The following PRKN variants were observed in gnomAD, a reference collection of about 807,000 sequenced individuals.
PRKN encodes E3 ubiquitin-protein ligase parkin.
Under a neutral mutation model 59.5 loss-of-function variants are expected in PRKN, and 56 were observed. That is an observed-to-expected ratio of 0.94 (90% CI 0.76 to 1.18). The LOEUF is 1.18. Among genes scored for constraint, PRKN ranks in the 50% most tolerant of loss-of-function variants. The pLI is 0.00. For missense variants in PRKN, 657 were observed against 596.4 expected (o/e 1.10, Z -1.06); for synonymous variants, 250 against 222.1 (o/e 1.13, Z -1.12).
Position 162,615,767 on chromosome 6 carries a change from T to C in PRKN, c.7+111895A>G, listed in dbSNP as rs537550966. Among the ~76,000 whole-genome samples the C allele has an allele frequency of 7.4e-4, 113 of 152,282 alleles. 4 individuals are homozygous for C. In the South Asian group the frequency reaches 0.022, roughly 30 times the overall value. ...AATACAGTGTAAAATCAGGACAGGA[T>C]AGAAGAGAGGGACGAAGAACGACTT... is the stretch of plus-strand genomic sequence containing the variant. On this transcript the variant is annotated intron_variant, in intron 1 of 11. Coordinates refer to ENST00000366898, the MANE Select transcript of PRKN (RefSeq NM_004562.3).
chr6:162,069,881 A>G (rs965958270), intron 4 of PRKN, among the ~76,000 whole-genome samples: 28 of 152,224 alleles, frequency 1.8e-4, no homozygotes, highest in African/African-American at 6.8e-4. Context: ...CCTCATTTGA[A>G]AAAACTTTAT....
chr6:162,383,851 C>A (rs1322627615), intron 2 of PRKN, among the ~76,000 whole-genome samples: 2 of 152,242 alleles, frequency 1.3e-5, no homozygotes, highest in African/African-American at 4.8e-5. Flanking sequence ...GCAGCTTCTA[C>A]ATCAGCACTT....
At chr6:162,707,656 C>T (rs867587515) in intron 1 of PRKN, among the ~76,000 whole-genome samples, 32 of 152,046 alleles carry the variant, frequency 2.1e-4, no homozygotes, top group Middle Eastern at 3.4e-3. Context: ...TTCACTGCAA[C>T]CTCCAACTCC....
chr6:161,839,010 C>T (rs1009686620), intron 6 of PRKN, among the ~76,000 whole-genome samples: 7 of 151,750 alleles, frequency 4.6e-5, no homozygotes, highest in Non-Finnish European at 7.4e-5. Flanking sequence ...AGGGACTGGG[C>T]GAGGTGGGGG....
At chr6:161,942,079 C>T (rs2128243318) in intron 6 of PRKN, among the ~76,000 whole-genome samples, 1 of 152,176 alleles carries the variant, frequency 6.6e-6, no homozygotes, top group Non-Finnish European at 1.5e-5. Context: ...TACAGACAAC[C>T]TGAAATATGG....
At chr6:161,821,002 A>G (rs1414680621) in intron 6 of PRKN, among the ~76,000 whole-genome samples, 1 of 152,022 alleles carries the variant, frequency 6.6e-6, no homozygotes, top group Non-Finnish European at 1.5e-5. Flanking sequence ...TAATTCACAG[A>G]CACAGATATA....
rs142689297 is a variant in PRKN, at chr6:161,411,864, C to T, written c.1084-24987G>A. Reference sequence around the variant, plus strand: ...ATTCCTCCCTCATTCCTTCCTCACCCATTCCTTCTTCATTCATTCCTTCCT... The same window carrying T: ...ATTCCTCCCTCATTCCTTCCTCACCTATTCCTTCTTCATTCATTCCTTCCT... On this transcript the variant is annotated intron_variant, in intron 9 of 11. Transcript: ENST00000366898. Among the ~76,000 whole-genome samples the T allele has an allele frequency of 4.6e-3, 674 of 147,552 alleles. 5 individuals are homozygous for T. The highest frequency in any genetic ancestry group is 0.016 in the African/African-American group (641 of 39,774).
At chr6:162,612,188 A>G (rs1176876744) in intron 1 of PRKN, among the ~76,000 whole-genome samples, 55 of 43,892 alleles carry the variant, frequency 1.3e-3, no homozygotes, top group Middle Eastern at 0.015. Flanking sequence ...GTGAGACTCC[A>G]TCTCAAAAAA....
chr6:162,169,461 A>C (rs1783153171), intron 4 of PRKN, among the ~76,000 whole-genome samples: 1 of 147,854 alleles, frequency 6.8e-6, no homozygotes, highest in Admixed American at 6.8e-5. Flanking sequence ...GGCACATATT[A>C]ATTTTCTTAA....
At chr6:162,360,067 T>C (rs190937476) in intron 2 of PRKN, among the ~76,000 whole-genome samples, 1 of 152,208 alleles carries the variant, frequency 6.6e-6, no homozygotes, top group East Asian at 1.9e-4. Flanking sequence ...AAAATATAAT[T>C]TATATATACA....
chr6:162,676,440 C>G (rs1779546665), intron 1 of PRKN, among the ~76,000 whole-genome samples: 1 of 152,034 alleles, frequency 6.6e-6, no homozygotes, highest in South Asian at 2.1e-4. Context: ...GTTGTCAGTT[C>G]AGAGAAATGG....
chr6:162,078,701 T>C (rs1169510651), intron 4 of PRKN, among the ~76,000 whole-genome samples: 5 of 152,016 alleles, frequency 3.3e-5, no homozygotes, highest in Admixed American at 3.3e-4. Flanking sequence ...TGGGTATTTA[T>C]CAAGAAAACT....
intron 2 of PRKN, among the ~76,000 whole-genome samples, chr6:162,360,056 CAA>C (rs769067008): frequency 1.3e-5 from 2 of 151,768 alleles, no homozygotes; most frequent in Non-Finnish European, 2.9e-5. Context: ...TAAAATACGG[CAA>C]AATATAATTT....
intron 7 of PRKN, among the ~76,000 whole-genome samples, chr6:161,607,726 T>C (rs1782334250): frequency 6.6e-6 from 1 of 152,116 alleles, no homozygotes; most frequent in African/African-American, 2.4e-5. Context: ...GAAAATAAAG[T>C]GGAGAAAAAT....
intron 1 of PRKN, among the ~76,000 whole-genome samples, chr6:162,661,709 C>T (rs1019059638): frequency 7.2e-5 from 11 of 152,116 alleles, no homozygotes; most frequent in Non-Finnish European, 1.5e-4. Flanking sequence ...TAATAATCTA[C>T]GCGTATCTAT....
chr6:162,468,254 G>A (rs1298972984), intron 1 of PRKN, among the ~76,000 whole-genome samples: 1 of 152,174 alleles, frequency 6.6e-6, no homozygotes, highest in Non-Finnish European at 1.5e-5. Context: ...TAATTAGAAT[G>A]CCTGGCACAG....
intron 4 of PRKN, among the ~76,000 whole-genome samples, chr6:162,068,939 A>G (rs117698780): frequency 2.0e-5 from 3 of 152,314 alleles, no homozygotes; most frequent in African/African-American, 4.8e-5. Context: ...GTAACTCAAT[A>G]TATAACATTA....
At chr6:162,349,752 G>C (rs1784548494) in intron 2 of PRKN, among the ~76,000 whole-genome samples, 1 of 152,120 alleles carries the variant, frequency 6.6e-6, no homozygotes, top group Non-Finnish European at 1.5e-5. Flanking sequence ...ATAGTTGACG[G>C]TAAAAGACTG....
rs545957082 is a variant in PRKN, at chr6:161,886,468, G to A, written c.734+86834C>T. Among the ~76,000 whole-genome samples the A allele has an allele frequency of 6.6e-5, 10 of 152,148 alleles. No individual in the cohort carries two copies. In the South Asian group the frequency reaches 8.3e-4, roughly 13 times the overall value. ...TCCCAGCACTATAGGAGGCCGAGGC[G>A]GGCGGATCATCTGAGGTCAGGAGTT... On this transcript the variant is annotated intron_variant, in intron 6 of 11. Transcript: ENST00000366898.
Sources: allele counts gnomAD v4.1 joint callset (sites outside exome capture counted in the v4.1 genomes callset), GRCh38; gene constraint gnomAD v4.1.1; transcripts MANE v1.5; gene names NCBI Gene and HGNC (gene_info 2026-07-23, HGNC 2026-07-21).